The following ASB7 variants were observed in gnomAD, a reference collection of about 807,000 sequenced individuals.
The protein encoded by ASB7 is ankyrin repeat and SOCS box containing 7.
A neutral mutation model predicts 32.5 loss-of-function variants in ASB7; 4 were observed. The ratio of observed to expected loss-of-function variants is 0.12; its 90% CI spans 0.06 to 0.28. ASB7 has a LOEUF of 0.28. ASB7 is among the 10% of genes least tolerant of loss of function. The pLI is 1.00. For synonymous variants in ASB7, 172 were observed against 155.6 expected (o/e 1.11, Z -0.78); for missense variants, 181 against 407.1 (o/e 0.44, Z 4.78).
intron 5 of ASB7, among the ~76,000 whole-genome samples, chr15:100,637,143 C>G (rs932906995): frequency 6.6e-6 from 1 of 152,192 alleles, no homozygotes; most frequent in African/African-American, 2.4e-5. Context: ...TTACTGCGTA[C>G]CAAAGGGCAG....
chr15:100,603,527 T>C (rs147420786), intron 2 of ASB7, among the ~76,000 whole-genome samples: 2 of 151,850 alleles, frequency 1.3e-5, no homozygotes, highest in East Asian at 3.9e-4. Flanking sequence ...CCCACTTTCT[T>C]TCTGTACAGT....
Position 100,605,215 on chromosome 15 carries a change from G to A in ASB7, c.-174+1902G>A, listed in dbSNP as rs1412466795. 2.6e-5 allele frequency among the ~76,000 whole-genome samples: 4 copies of A among 152,208 alleles called. No individual in the cohort carries two copies. The South Asian group carries it at 8.3e-4, about 31-fold the overall frequency. ...GTTTCTAATATCAGAATGACTGAGA[G>A]TATTTGGTCTAGATTATACCAGGCA... On this transcript the variant is annotated intron_variant, in intron 2 of 5. Transcript: ENST00000332783.
chr15:100,630,108 T>C, intron 5 of ASB7, 66 bp downstream of exon 5: 1 of 1,440,364 alleles, frequency 6.9e-7, no homozygotes, highest in Non-Finnish European at 9.2e-7. Flanking sequence ...GAGCTTAATG[T>C]GTTTTTGCAA....
intron 5 of ASB7, among the ~76,000 whole-genome samples, chr15:100,640,172 G>T (rs76061935): frequency 3.3e-5 from 5 of 152,062 alleles, no homozygotes; most frequent in Non-Finnish European, 5.9e-5. Flanking sequence ...TTGAGACAGA[G>T]TCTCACTTGT....
At chr15:100,616,529 G>A (rs980845157) in intron 4 of ASB7, among the ~76,000 whole-genome samples, 1 of 152,120 alleles carries the variant, frequency 6.6e-6, no homozygotes, top group Non-Finnish European at 1.5e-5. Flanking sequence ...GCCTGGTACA[G>A]TTTCACTTTT....
chr15:100,605,351 TA>T (rs1421417383), intron 2 of ASB7, among the ~76,000 whole-genome samples: 1 of 152,068 alleles, frequency 6.6e-6, no homozygotes. Context: ...TCATGTGGCT[TA>T]AAAAAAATCC....
intron 5 of ASB7, among the ~76,000 whole-genome samples, chr15:100,636,891 T>C (rs1157935510): frequency 6.6e-6 from 1 of 152,248 alleles, no homozygotes; most frequent in African/African-American, 2.4e-5. Context: ...CCTTTTTCAC[T>C]GTGATGACAT....
At chr15:100,643,978 C>T (rs1298194068) in intron 5 of ASB7, among the ~76,000 whole-genome samples, 2 of 152,060 alleles carry the variant, frequency 1.3e-5, no homozygotes, top group Non-Finnish European at 2.9e-5. Context: ...CCTGGCATGG[C>T]GGCTCATGCC....
At chr15:100,623,273 G>T (rs1302041387) in intron 4 of ASB7, among the ~76,000 whole-genome samples, 1 of 152,068 alleles carries the variant, frequency 6.6e-6, no homozygotes, top group Non-Finnish European at 1.5e-5. Context: ...CGTGGTGGTG[G>T]ATGCCTGTAA....
chr15:100,617,811 G>A (rs762571425), intron 4 of ASB7, among the ~76,000 whole-genome samples: 4 of 152,100 alleles, frequency 2.6e-5, no homozygotes, highest in Non-Finnish European at 5.9e-5. Context: ...TTTTGCTTCC[G>A]TCAAGAAAGA....
chr15:100,626,083 A>G (rs1414360016), intron 4 of ASB7, among the ~76,000 whole-genome samples: 1 of 152,218 alleles, frequency 6.6e-6, no homozygotes, highest in Admixed American at 6.5e-5. Context: ...GTGACAATGC[A>G]TTGAGCAAAG....
chr15:100,612,149 A>G lies in ASB7; in HGVS notation c.-51-17A>G. The stretch of plus-strand genomic sequence containing the variant: ...AGTTATTCTAAATTTTACCTTTTCT[A>G]CCTTCTCTTCTTAAAGGCTGATCCC... On this transcript the variant is annotated splice_polypyrimidine_tract_variant and intron_variant, in intron 3 of 5. Coordinates refer to ENST00000332783, the MANE Select transcript of ASB7 (RefSeq NM_198243.3). 2.9e-6 allele frequency: 4 copies of G among 1,386,554 alleles called. No homozygotes were observed. The East Asian group carries it at 7.0e-5, about 24-fold the overall frequency. The allele number at this position is 1,386,554 out of a possible 1,614,324, so 85.9% of individuals were successfully genotyped here.
intron 4 of ASB7, among the ~76,000 whole-genome samples, chr15:100,617,298 TC>T (rs2039751862): frequency 6.6e-6 from 1 of 152,202 alleles, no homozygotes; most frequent in Admixed American, 6.5e-5. Context: ...GTTTCCCATT[TC>T]TCTTAGGATG....
At chr15:100,627,040 A>G (rs2039845357) in intron 4 of ASB7, among the ~76,000 whole-genome samples, 1 of 152,074 alleles carries the variant, frequency 6.6e-6, no homozygotes, top group Non-Finnish European at 1.5e-5. Flanking sequence ...ATCAAAGCTC[A>G]TCATCTGTAC....
rs538656886 is a variant in ASB7 at position 100,625,372 on chromosome 15, G to T, written c.212-4065G>T. On this transcript the variant is annotated intron_variant, in intron 4 of 5. Coordinates refer to ENST00000332783, the MANE Select transcript of ASB7 (RefSeq NM_198243.3). ...GTTCTAGAACTAAAAGTGATTTTGG[G>T]TAGGTTATAGAATACACAAGTCAGT... Among the ~76,000 whole-genome samples, 3 of 152,276 alleles carry T rather than the reference G, an allele frequency of 2.0e-5. No homozygotes were observed. In the South Asian group the frequency reaches 6.2e-4, roughly 32 times the overall value.
rs575406858 is a variant in ASB7 at position 100,646,291 on chromosome 15, G to A, written c.818-2032G>A. 1.5e-5 allele frequency: 6 copies of A among 390,284 alleles called. No individual in the cohort carries two copies. In the East Asian group the frequency reaches 3.6e-4, roughly 23 times the overall value. 24.2% of individuals were successfully genotyped at this position (390,284 alleles called of 1,614,324 possible). A position where few individuals can be genotyped will look rare whatever the true frequency, so the allele number is the denominator to read the frequency against. On this transcript the variant is annotated intron_variant, in intron 5 of 5. Transcript: ENST00000332783. ...CTTTCCTTCCAAGGACCAGATTCGAGAAGTCTCATCATAAGAACCAGTCAA... is the reference window on the plus strand; with the variant it reads ...CTTTCCTTCCAAGGACCAGATTCGAAAAGTCTCATCATAAGAACCAGTCAA...
intron 5 of ASB7, chr15:100,645,848 C>A: frequency 9.5e-7 from 1 of 1,053,566 alleles, no homozygotes; most frequent in Non-Finnish European, 1.5e-6. Flanking sequence ...ATTTCATGGT[C>A]CCAAGATACG....
Position 100,602,844 on chromosome 15 carries a change from C to T in ASB7, c.-475C>T. 2.5e-6 allele frequency: 1 copy of T among 393,666 alleles called. No individual in the cohort carries two copies. The highest frequency in any genetic ancestry group is 4.4e-5 in the Admixed American group (1 of 22,590). 24.4% of individuals were successfully genotyped at this position (393,666 alleles called of 1,614,324 possible). On this transcript the variant is annotated 5_prime_UTR_variant, in exon 1 of 6. Transcript: ENST00000332783. ...ACTTCCTCCCTGCCTCCCTGCACCT[C>T]TGCCCCAAGGCTGCCCGGCGGCCGG...
intron 4 of ASB7, among the ~76,000 whole-genome samples, chr15:100,617,507 T>C (rs1567113065): frequency 1.3e-5 from 2 of 152,304 alleles, no homozygotes; most frequent in East Asian, 3.9e-4. Context: ...TGCCTGCTTC[T>C]CTCTCAGCTC....
Sources: allele counts gnomAD v4.1 joint callset (sites outside exome capture counted in the v4.1 genomes callset), GRCh38; gene constraint gnomAD v4.1.1; transcripts MANE v1.5; gene names NCBI Gene and HGNC (gene_info 2026-07-23, HGNC 2026-07-21).